Variants in UBE2E1 observed in about 807,000 individuals in gnomAD.
The protein encoded by UBE2E1 is ubiquitin-conjugating enzyme E2 E1.
A neutral mutation model predicts 21.4 loss-of-function variants in UBE2E1; 6 were observed. That is an observed-to-expected ratio of 0.28 (90% CI 0.15 to 0.55). UBE2E1 has a LOEUF of 0.55. Among genes scored for constraint, UBE2E1 ranks in the 20% least tolerant of loss-of-function variants. The probability of loss-of-function intolerance (pLI) is 0.93; values close to 1 mark genes in which losing one functional copy is unlikely to be tolerated. For missense variants in UBE2E1, 142 were observed against 236.5 expected, an observed-to-expected ratio of 0.60 and a Z score of 2.62; for synonymous variants, 87 against 82.7, an observed-to-expected ratio of 1.05 and a Z score of -0.28.
intron 3 of UBE2E1, among the ~76,000 whole-genome samples, chr3:23,818,579 GTC>G (rs1033737183): frequency 4.6e-5 from 7 of 152,236 alleles, no homozygotes; most frequent in Admixed American, 3.9e-4. Context: ...TGTTTGCTCT[GTC>G]TCTCTCTTAT....
intron 2 of UBE2E1, chr3:23,807,756 A>G (rs1472785263): frequency 5.2e-6 from 1 of 191,412 alleles, no homozygotes; most frequent in East Asian, 1.3e-4. Flanking sequence ...CCATGATCCC[A>G]TTTCTTAATT....
chr3:23,841,776 G>C (rs2052234668), intron 3 of UBE2E1, among the ~76,000 whole-genome samples: 1 of 152,200 alleles, frequency 6.6e-6, no homozygotes, highest in Non-Finnish European at 1.5e-5. Context: ...TTCTGACACA[G>C]AAATTTGAAA....
At chr3:23,846,230 A>G (rs1166645010) in intron 3 of UBE2E1, among the ~76,000 whole-genome samples, 1 of 152,216 alleles carries the variant, frequency 6.6e-6, no homozygotes, top group Non-Finnish European at 1.5e-5. Flanking sequence ...GTAATGTTGA[A>G]ACATTTGGTT....
chr3:23,822,047 G>T (rs975435074), intron 3 of UBE2E1, among the ~76,000 whole-genome samples: 6 of 152,170 alleles, frequency 3.9e-5, no homozygotes, highest in Non-Finnish European at 7.3e-5. Context: ...ATTTAGAAGT[G>T]TACACTAGGA....
intron 3 of UBE2E1, among the ~76,000 whole-genome samples, chr3:23,838,455 A>G (rs1700015966): frequency 6.6e-6 from 1 of 152,196 alleles, no homozygotes; most frequent in Admixed American, 6.5e-5. Flanking sequence ...TGGTTAGACC[A>G]TTAACATTTA....
chr3:23,871,679 C>A (rs1056022375), intron 3 of UBE2E1, among the ~76,000 whole-genome samples: 1 of 151,284 alleles, frequency 6.6e-6, no homozygotes, highest in African/African-American at 2.4e-5. Flanking sequence ...CAGAGACACT[C>A]CTCACCTCCC....
chr3:23,823,248 C>G lies in UBE2E1; in HGVS notation c.203+11738C>G, dbSNP rs1377639847. On this transcript the variant is annotated intron_variant, in intron 3 of 5. Coordinates refer to ENST00000306627, the MANE Select transcript of UBE2E1 (RefSeq NM_003341.5). The surrounding 1 kb of genome is among the most constrained non-coding windows in gnomAD (Gnocchi z 4.2). ...TAAGCATTGTCTTTTTAATTGTCCA[C>G]TGATCATGTCTTAATAATTTGTTTC... 1.3e-5 allele frequency among the ~76,000 whole-genome samples: 2 copies of G among 152,228 alleles called. No individual in the cohort carries two copies. Among genetic ancestry groups the G allele is most frequent in the Non-Finnish European group, 2.9e-5 (2 of 68,046 alleles).
rs151148990 is a variant in UBE2E1 at position 23,816,262 on chromosome 3, T to C, written c.203+4752T>C. 9.7e-4 allele frequency among the ~76,000 whole-genome samples: 148 copies of C among 152,350 alleles called. No homozygotes were observed. The highest frequency in any genetic ancestry group is 2.6e-3 in the Admixed American group (40 of 15,306). On this transcript the variant is annotated intron_variant, in intron 3 of 5. Transcript: ENST00000306627. The surrounding 1 kb of genome is among the most constrained non-coding windows in gnomAD (Gnocchi z 4.8). ...ACCTGTATGTCAGTATTCATAGCAT[T>C]ATTCATAGTAGCCAAAAAGTGGAAA...
At position 23,876,330 on chromosome 3, in the gene UBE2E1, A is replaced by G. The variant is rs1051112792; in HGVS notation, c.204-11237A>G. ...ACTACCCTGTTAGTTTCTTTAGTAA[A>G]GTTTTCTCATTTTTCAAGTTCCTTC... On this transcript the variant is annotated intron_variant, in intron 3 of 5. Transcript: ENST00000306627. The surrounding 1 kb of genome is among the most constrained non-coding windows in gnomAD (Gnocchi z 4.3). Among the ~76,000 whole-genome samples, 1 of 152,092 alleles carries G rather than the reference A, an allele frequency of 6.6e-6. No individual in the cohort carries two copies. Among genetic ancestry groups the G allele is most frequent in the Non-Finnish European group, 1.5e-5 (1 of 68,018 alleles).
chr3:23,885,667 C>A (rs1701165160), intron 3 of UBE2E1, among the ~76,000 whole-genome samples: 1 of 152,078 alleles, frequency 6.6e-6, no homozygotes, highest in African/African-American at 2.4e-5. Context: ...TCAAGACCAG[C>A]CTGACCAACA....
At chr3:23,871,507 C>T (rs1445559671) in intron 3 of UBE2E1, among the ~76,000 whole-genome samples, 14 of 141,646 alleles carry the variant, frequency 9.9e-5, no homozygotes, top group African/African-American at 3.2e-4. Context: ...GCTGGCCTGG[C>T]GGGGGCTGAC....
In UBE2E1 at chr3:23,887,351, C is replaced by T. The variant is rs533319679; in HGVS notation, c.204-216C>T. On this transcript the variant is annotated intron_variant, in intron 3 of 5. Coordinates refer to ENST00000306627, the MANE Select transcript of UBE2E1 (RefSeq NM_003341.5). The surrounding 1 kb of genome is among the most constrained non-coding windows in gnomAD (Gnocchi z 4.4). Reference sequence around the variant, plus strand: ...TCCTGCTTATTCGTAGCTAGGTAGGCTTAGAATGGTTTTAACATTCTTTTA... The same window carrying T: ...TCCTGCTTATTCGTAGCTAGGTAGGTTTAGAATGGTTTTAACATTCTTTTA... Among the ~76,000 whole-genome samples the T allele has an allele frequency of 2.2e-4, 34 of 152,316 alleles. No individual in the cohort carries two copies. The South Asian group carries it at 6.6e-3, about 30-fold the overall frequency.
intron 3 of UBE2E1, among the ~76,000 whole-genome samples, chr3:23,862,489 A>C (rs922186740): frequency 6.6e-6 from 1 of 152,126 alleles, no homozygotes; most frequent in East Asian, 1.9e-4. Flanking sequence ...GTATTGTACT[A>C]TATGTGGTGC....
At chr3:23,875,632 CTTT>C (rs1700898356) in intron 3 of UBE2E1, among the ~76,000 whole-genome samples, 1 of 152,190 alleles carries the variant, frequency 6.6e-6, no homozygotes, top group African/African-American at 2.4e-5. Flanking sequence ...TTTTGGAGGG[CTTT>C]GTTAGAAGGC....
At position 23,863,928 on chromosome 3, in the gene UBE2E1, GGATTCTCGT is replaced by G. The variant is rs1700603763; in HGVS notation, c.204-23637_204-23629del. 6.6e-6 allele frequency among the ~76,000 whole-genome samples: 1 copy of G among 152,112 alleles called. No homozygotes were observed. The highest frequency in any genetic ancestry group is 6.6e-5 in the Admixed American group (1 of 15,266). ...TAACTCTGTTTATAGCTGTCATACCGGATTCTCGTGTCACTGTCTTTTGGGGAATTCTCT... is the reference window on the plus strand; with the variant it reads ...TAACTCTGTTTATAGCTGTCATACCGGTCACTGTCTTTTGGGGAATTCTCT... On this transcript the variant is annotated intron_variant, in intron 3 of 5. Transcript: ENST00000306627. The surrounding 1 kb of genome is among the most constrained non-coding windows in gnomAD (Gnocchi z 4.3).
intron 3 of UBE2E1, among the ~76,000 whole-genome samples, chr3:23,849,025 T>C (rs1439071420): frequency 6.6e-6 from 1 of 152,256 alleles, no homozygotes; most frequent in East Asian, 1.9e-4. Context: ...ATCCATATGG[T>C]GGACATTTGG....
intron 3 of UBE2E1, among the ~76,000 whole-genome samples, chr3:23,874,566 A>C (rs1325483766): frequency 6.6e-6 from 1 of 152,164 alleles, no homozygotes; most frequent in Non-Finnish European, 1.5e-5. Context: ...GATTCCAGAC[A>C]CCCAAGCTCT....
intron 3 of UBE2E1, among the ~76,000 whole-genome samples, chr3:23,875,039 T>A (rs1700887122): frequency 6.6e-6 from 1 of 152,230 alleles, no homozygotes; most frequent in South Asian, 2.1e-4. Flanking sequence ...GCTCTTCTTT[T>A]GTCATCCCTA....
In UBE2E1 at chr3:23,838,172, A is replaced by C. The variant is rs375005414; in HGVS notation, c.203+26662A>C. ...AGTCTCAGCCTCCCGGGCTCAAGTA[A>C]TCCTCCTACCTCAGCCTCCTAAGTA... On this transcript the variant is annotated intron_variant, in intron 3 of 5. Transcript: ENST00000306627. Among the ~76,000 whole-genome samples, 53 of 152,146 alleles carry C rather than the reference A, an allele frequency of 3.5e-4. No individual in the cohort carries two copies. In the South Asian group the frequency reaches 3.9e-3, roughly 11 times the overall value.
Sources: allele counts gnomAD v4.1 joint callset (sites outside exome capture counted in the v4.1 genomes callset), GRCh38; gene constraint gnomAD v4.1.1; non-coding constraint Gnocchi (gnomAD v3.1); transcripts MANE v1.5; gene names NCBI Gene and HGNC (gene_info 2026-07-23, HGNC 2026-07-21).